The following OPRM1 variants were observed in gnomAD, a reference collection of about 807,000 sequenced individuals.
OPRM1 encodes the protein mu-type opioid receptor.
Under a neutral mutation model 31.8 loss-of-function variants are expected in OPRM1, and 27 were observed. That is an observed-to-expected ratio of 0.85 (90% CI 0.63 to 1.17). The LOEUF is 1.17. Ranked by LOEUF, OPRM1 falls within the 50% of genes most tolerant of loss-of-function variation. The pLI, the probability that OPRM1 is intolerant of heterozygous loss-of-function variation, is 0.00. For synonymous variants in OPRM1, 196 were observed against 189.9 expected (o/e 1.03, Z -0.26); for missense variants, 536 against 511.1 (o/e 1.05, Z -0.47).
chr6:154,205,655 T>C (rs1295140162), intron 3 of OPRM1, among the ~76,000 whole-genome samples: 1 of 152,204 alleles, frequency 6.6e-6, no homozygotes, highest in Non-Finnish European at 1.5e-5. Flanking sequence ...ATTATTTAAT[T>C]AGTTACCTAA....
rs551619158 is a variant in OPRM1 at position 154,191,411 on chromosome 6, C to T, written c.1165-55282C>T. 6.6e-5 allele frequency among the ~76,000 whole-genome samples: 10 copies of T among 152,152 alleles called. 1 individual carries two copies. In the South Asian group the frequency reaches 2.1e-3, roughly 32 times the overall value. Reference sequence around the variant, plus strand: ...ACCCCATGCCAGGCGCGGTGGCTCACGTCTGTAATCCCAGCACTTTGGGAG... The same window carrying T: ...ACCCCATGCCAGGCGCGGTGGCTCATGTCTGTAATCCCAGCACTTTGGGAG... On this transcript the variant is annotated intron_variant, in intron 3 of 3. Coordinates refer to the OPRM1 transcript ENST00000337049.
At chr6:154,095,701 G>GT (rs1236572566) in intron 3 of OPRM1, among the ~76,000 whole-genome samples, 4 of 151,962 alleles carry the variant, frequency 2.6e-5, no homozygotes, top group Non-Finnish European at 2.9e-5. Context: ...ATGGTCTCGT[G>GT]TTTTTTTTGT....
At chr6:154,081,108 A>G (rs2128467698) in intron 1 of OPRM1, among the ~76,000 whole-genome samples, 1 of 152,220 alleles carries the variant, frequency 6.6e-6, no homozygotes, top group East Asian at 1.9e-4. Context: ...GCAAGCACAG[A>G]TGTCCAAACA....
intron 3 of OPRM1, among the ~76,000 whole-genome samples, chr6:154,112,907 T>C (rs979485044): frequency 2.0e-5 from 3 of 152,230 alleles, no homozygotes; most frequent in African/African-American, 7.2e-5. Flanking sequence ...GTCTGCAGTA[T>C]TGACCTCCAC....
intron 3 of OPRM1, among the ~76,000 whole-genome samples, chr6:154,109,788 C>CTGTGTGTGTGTGTG (rs1462157057): frequency 7.7e-5 from 8 of 103,832 alleles, no homozygotes; most frequent in African/African-American, 2.6e-4. Context: ...CTCTCTCTCT[C>CTGTGTGTGTGTGTG]TCTCTGTGTG....
chr6:154,159,971 T>G (rs1417449785), intron 3 of OPRM1: 1 of 1,613,352 alleles, frequency 6.2e-7, no homozygotes, highest in Non-Finnish European at 8.5e-7. Context: ...TTCCACTCTC[T>G]GTATTTCCTG....
At position 154,039,397 on chromosome 6, in the gene OPRM1, C is replaced by T. The variant is rs1469997583; in HGVS notation, c.-148C>T. On this transcript the variant is annotated 5_prime_UTR_variant, in exon 1 of 4. Transcript: ENST00000330432. ...AGCTCGGTCCCCTCCGCCTGACGCTCCTCTCTGTCTCAGCCAGGACTGGTT... is the reference window on the plus strand; with the variant it reads ...AGCTCGGTCCCCTCCGCCTGACGCTTCTCTCTGTCTCAGCCAGGACTGGTT... 1.3e-6 allele frequency: 2 copies of T among 1,547,418 alleles called. No individual in the cohort carries two copies. The highest frequency in any genetic ancestry group is 2.4e-5 in the South Asian group (2 of 83,704).
At chr6:154,160,084 T>A (rs751785710) in intron 3 of OPRM1, 1 of 1,437,950 alleles carries the variant, frequency 7.0e-7, no homozygotes, top group Non-Finnish European at 9.6e-7. Flanking sequence ...GTTGAGAGTG[T>A]CTTAATTTAC....
At chr6:154,113,839 G>A (rs1796586080) in intron 3 of OPRM1, among the ~76,000 whole-genome samples, 1 of 152,188 alleles carries the variant, frequency 6.6e-6, no homozygotes, top group African/African-American at 2.4e-5. Context: ...TTTGCCAAGT[G>A]AGAGGCTGGG....
Position 154,128,930 on chromosome 6 carries a change from G to A in OPRM1, c.*10209G>A, listed in dbSNP as rs184459842. 2.4e-3 allele frequency among the ~76,000 whole-genome samples: 285 copies of A among 117,734 alleles called. 2 individuals carry two copies. The highest frequency in any genetic ancestry group is 3.1e-3 in the Non-Finnish European group (176 of 56,226). The allele number at this position is 117,734 out of a possible 152,430, so 77.2% of individuals were successfully genotyped here. A position where few individuals can be genotyped will look rare whatever the true frequency, so the allele number is the denominator to read the frequency against. Reference sequence around the variant, plus strand: ...TGGATCTATAAACATAAGTCAATTTGGCTCTATTATGTCAAAAGAGAATAG... The same window carrying A: ...TGGATCTATAAACATAAGTCAATTTAGCTCTATTATGTCAAAAGAGAATAG... On this transcript the variant is annotated 3_prime_UTR_variant, in exon 4 of 4. Coordinates refer to ENST00000330432, the MANE Select transcript of OPRM1 (RefSeq NM_000914.5).
chr6:154,088,021 G>T (rs939124963), intron 1 of OPRM1, among the ~76,000 whole-genome samples: 2 of 151,760 alleles, frequency 1.3e-5, no homozygotes, highest in Admixed American at 6.6e-5. Context: ...ATGAATGTTC[G>T]TAACAGTTCA....
chr6:154,030,725 A>G (rs1010348860), intron 1 of OPRM1, among the ~76,000 whole-genome samples: 2 of 152,214 alleles, frequency 1.3e-5, no homozygotes, highest in African/African-American at 4.8e-5. Context: ...CCCCATCTCT[A>G]CTAAAAATAC....
At chr6:154,053,173 T>G (rs1037704797) in intron 1 of OPRM1, among the ~76,000 whole-genome samples, 2 of 152,348 alleles carry the variant, frequency 1.3e-5, no homozygotes, top group Admixed American at 6.5e-5. Flanking sequence ...TGCTTTGTGG[T>G]TATCTTAAGT....
chr6:154,203,220 G>A (rs141237132), intron 3 of OPRM1, among the ~76,000 whole-genome samples: 14 of 152,140 alleles, frequency 9.2e-5, no homozygotes, highest in East Asian at 3.9e-4. Flanking sequence ...TCTCCTCTCC[G>A]CCCCACCTCT....
chr6:154,162,868 A>C (rs1799135446), intron 3 of OPRM1, among the ~76,000 whole-genome samples: 1 of 152,158 alleles, frequency 6.6e-6, no homozygotes, highest in African/African-American at 2.4e-5. Flanking sequence ...CATCTCAAAA[A>C]TAACATATCT....
intron 1 of OPRM1, among the ~76,000 whole-genome samples, chr6:154,043,559 T>A (rs117319490): frequency 0.031 from 4,686 of 151,238 alleles, 117 homozygotes; most frequent in East Asian, 0.093. Flanking sequence ...ATATATAAAT[T>A]CACACACACA....
At chr6:154,245,286 GGA>G (rs1016349699) in intron 3 of OPRM1, among the ~76,000 whole-genome samples, 21 of 53,000 alleles carry the variant, frequency 4.0e-4, no homozygotes, top group South Asian at 1.7e-3. Context: ...CCAAATGCTT[GGA>G]AAAAAAAAAT....
At chr6:154,057,085 T>C (rs758650484) in intron 1 of OPRM1, among the ~76,000 whole-genome samples, 9 of 152,206 alleles carry the variant, frequency 5.9e-5, no homozygotes, top group Non-Finnish European at 8.8e-5. Flanking sequence ...ACTAAAGATA[T>C]TCTTTTTGTC....
At chr6:154,069,484 A>C (rs906021271) in intron 1 of OPRM1, among the ~76,000 whole-genome samples, 5 of 152,014 alleles carry the variant, frequency 3.3e-5, no homozygotes, top group African/African-American at 1.2e-4. Context: ...TGATCTGCCC[A>C]CCTCGGCCTC....
Sources: allele counts gnomAD v4.1 joint callset (sites outside exome capture counted in the v4.1 genomes callset), GRCh38; gene constraint gnomAD v4.1.1; transcripts MANE v1.5; gene names NCBI Gene and HGNC (gene_info 2026-07-23, HGNC 2026-07-21).